Variants in MAPT observed in about 807,000 individuals in gnomAD.
MAPT encodes the protein microtubule associated protein tau, also known as microtubule-associated protein tau.
A neutral mutation model predicts 67.9 loss-of-function variants in MAPT; 34 were observed. The ratio of observed to expected loss-of-function variants is 0.50; its 90% CI spans 0.38 to 0.67. The LOEUF is 0.67. Among genes scored for constraint, MAPT ranks in the 30% least tolerant of loss-of-function variants. The pLI is 0.00. For missense variants in MAPT, 881 were observed against 1,115.2 expected (o/e 0.79, Z 2.99); for synonymous variants, 456 against 464.5 (o/e 0.98, Z 0.23).
At position 45,995,529 on chromosome 17, in the gene MAPT, C is replaced by T. The variant is rs1046838457; in HGVS notation, c.1733-870C>T. Among the ~76,000 whole-genome samples the T allele has an allele frequency of 1.3e-5, 2 of 152,140 alleles. No individual in the cohort carries two copies. The highest frequency in any genetic ancestry group is 2.1e-4 in the South Asian group (1 of 4,814). Reference sequence around the variant, plus strand: ...AGAATACCAGACTGTTGAAGTGTAACGGGGGCCTGGGAAGTGCAGTAACAG... The same window carrying T: ...AGAATACCAGACTGTTGAAGTGTAATGGGGGCCTGGGAAGTGCAGTAACAG... On this transcript the variant is annotated intron_variant, in intron 8 of 12. Coordinates refer to ENST00000262410, the MANE Select transcript of MAPT (RefSeq NM_001377265.1). The surrounding 1 kb of genome is among the most constrained non-coding windows in gnomAD (Gnocchi z 4.3).
chr17:45,938,124 C>T (rs1340349791), intron 1 of MAPT, among the ~76,000 whole-genome samples: 2 of 152,188 alleles, frequency 1.3e-5, no homozygotes, highest in African/African-American at 4.8e-5. Flanking sequence ...TATAATAAAT[C>T]ATCAGAAATT....
At chr17:45,982,383 G>A (rs2073066444) in intron 4 of MAPT, among the ~76,000 whole-genome samples, 1 of 151,772 alleles carries the variant, frequency 6.6e-6, no homozygotes, top group African/African-American at 2.4e-5. Context: ...GGAGAGGAAA[G>A]GGGATTCTCG....
chr17:45,948,908 G>GC (rs1435215080), intron 1 of MAPT, among the ~76,000 whole-genome samples: 2 of 152,166 alleles, frequency 1.3e-5, no homozygotes, highest in African/African-American at 4.8e-5. Context: ...AGAACAAAGC[G>GC]CATGTTAAGG....
In MAPT at chr17:45,941,705, GCCTTCCTTCCTT is replaced by G. The variant is rs1201409768; in HGVS notation, c.-17-20576_-17-20565del. 1.9e-3 allele frequency among the ~76,000 whole-genome samples: 49 copies of G among 25,608 alleles called. 1 individual carries two copies. Among genetic ancestry groups the G allele is most frequent in the Non-Finnish European group, 3.5e-3 (38 of 10,940 alleles). The allele number at this position is 25,608 out of a possible 152,430, so 16.8% of individuals were successfully genotyped here. A position where few individuals can be genotyped will look rare whatever the true frequency, so the allele number is the denominator to read the frequency against. On this transcript the variant is annotated intron_variant, in intron 1 of 12. Transcript: ENST00000262410. The stretch of plus-strand genomic sequence containing the variant: ...CTCCTTCCTTCCTTCCTTCCTGCCT[GCCTTCCTTCCTT>G]CCTTCCTTCCTTCCTTCCTTCCTTC...
intron 1 of MAPT, among the ~76,000 whole-genome samples, chr17:45,947,608 G>C (rs193206828): frequency 6.6e-6 from 1 of 151,718 alleles, no homozygotes; most frequent in African/African-American, 2.4e-5. Flanking sequence ...GGCTGGTCTC[G>C]AACTCCTGAC....
At chr17:45,935,433 G>A (rs1181849372) in intron 1 of MAPT, among the ~76,000 whole-genome samples, 1 of 152,116 alleles carries the variant, frequency 6.6e-6, no homozygotes, top group Non-Finnish European at 1.5e-5. Flanking sequence ...GCACGCAGCT[G>A]GGGTCCATTT....
In MAPT at chr17:45,896,419, G is replaced by GCCTGGCC. The variant is rs1399020108; in HGVS notation, c.-18+1734_-18+1740dup. ...CTCCGGCTTTACGCCCTGTTGCTTC[G>GCCTGGCC]CCTGGCCGGAGAATGTGAGGAAGGG... On this transcript the variant is annotated intron_variant, in intron 1 of 12. Transcript: ENST00000262410. This position sits in a 1 kb window ranked among gnomAD's most constrained non-coding sequence, Gnocchi z 5.6. 1 of 152,258 alleles carries GCCTGGCC rather than the reference G, an allele frequency of 6.6e-6. No individual in the cohort carries two copies. Among genetic ancestry groups the GCCTGGCC allele is most frequent in the Non-Finnish European group, 1.5e-5 (1 of 68,074 alleles). The allele number at this position is 152,258 out of a possible 1,614,324, so 9.4% of individuals were successfully genotyped here.
At chr17:46,005,080 G>C (rs74846646) in intron 9 of MAPT, among the ~76,000 whole-genome samples, 1 of 151,974 alleles carries the variant, frequency 6.6e-6, no homozygotes, top group African/African-American at 2.4e-5. Flanking sequence ...CACCGTGCCC[G>C]GCCAGAAAAA....
In MAPT at chr17:45,915,691, G is replaced by C. The variant is rs1402077228; in HGVS notation, c.-18+21005G>C. ...TTAGAGGGCTCTCCTGGAGTCAGAGGGGGTGGGTAGGAGGAGAAGGGAGGT... is the reference window on the plus strand; with the variant it reads ...TTAGAGGGCTCTCCTGGAGTCAGAGCGGGTGGGTAGGAGGAGAAGGGAGGT... On this transcript the variant is annotated intron_variant, in intron 1 of 12. Transcript: ENST00000262410. The surrounding 1 kb of genome is among the most constrained non-coding windows in gnomAD (Gnocchi z 4.4). Among the ~76,000 whole-genome samples the C allele has an allele frequency of 3.3e-5, 5 of 152,070 alleles. No homozygotes were observed. Among genetic ancestry groups the C allele is most frequent in the Admixed American group, 6.6e-5 (1 of 15,260 alleles).
chr17:45,946,615 A>AATATATATATATATATAT (rs1177094945), intron 1 of MAPT, among the ~76,000 whole-genome samples: 4 of 100,406 alleles, frequency 4.0e-5, no homozygotes, highest in African/African-American at 1.3e-4. Context: ...AAAAAAAAAA[A>AATATATATATATATATAT]ATATATATAT....
At chr17:45,992,448 G>A (rs977220016) in intron 8 of MAPT, among the ~76,000 whole-genome samples, 6 of 152,206 alleles carry the variant, frequency 3.9e-5, no homozygotes, top group Non-Finnish European at 8.8e-5. Flanking sequence ...TGCTAGGGAC[G>A]TTAGGAGTCT....
intron 1 of MAPT, among the ~76,000 whole-genome samples, chr17:45,930,056 C>G (rs901134401): frequency 5.9e-5 from 9 of 152,148 alleles, no homozygotes; most frequent in African/African-American, 2.2e-4. Flanking sequence ...GGTGCATAAG[C>G]CCCACCATGC....
In MAPT at chr17:45,906,811, C is replaced by A. The variant is rs1022209378; in HGVS notation, c.-18+12125C>A. 1.3e-5 allele frequency among the ~76,000 whole-genome samples: 2 copies of A among 152,060 alleles called. No individual in the cohort carries two copies. The highest frequency in any genetic ancestry group is 2.9e-5 in the Non-Finnish European group (2 of 68,012). On this transcript the variant is annotated intron_variant, in intron 1 of 12. Transcript: ENST00000262410. The surrounding 1 kb of genome is among the most constrained non-coding windows in gnomAD (Gnocchi z 4.3). ...GTCCCGAATGTGGCAAGCCATGGAG[C>A]CTTAAGCTCTTCTCCCTCCACATCC...
chr17:45,915,585 G>A lies in MAPT; in HGVS notation c.-18+20899G>A, dbSNP rs62056858. Among the ~76,000 whole-genome samples, 69 of 149,176 alleles carry A rather than the reference G, an allele frequency of 4.6e-4. No individual in the cohort carries two copies. The East Asian group carries it at 0.011, about 23-fold the overall frequency. ...TGGTGCATGTGTGTGGCGTGTGAGCGTGTGTGTGCATTGTGTCTGTGAGCA... is the reference window on the plus strand; with the variant it reads ...TGGTGCATGTGTGTGGCGTGTGAGCATGTGTGTGCATTGTGTCTGTGAGCA... On this transcript the variant is annotated intron_variant, in intron 1 of 12. Transcript: ENST00000262410. The surrounding 1 kb of genome is among the most constrained non-coding windows in gnomAD (Gnocchi z 4.4).
chr17:45,907,153 C>G (rs931253025), intron 1 of MAPT, among the ~76,000 whole-genome samples: 3 of 152,196 alleles, frequency 2.0e-5, no homozygotes, highest in South Asian at 2.1e-4. Context: ...CTTGGCTCAC[C>G]TCCCTGCCCA....
At chr17:45,920,507 A>G (rs558606699) in intron 1 of MAPT, among the ~76,000 whole-genome samples, 1 of 152,246 alleles carries the variant, frequency 6.6e-6, no homozygotes, top group East Asian at 1.9e-4. Context: ...CTCCGGCCCC[A>G]GCATTGCTGC....
chr17:46,000,266 G>C (rs1390049849), intron 9 of MAPT, among the ~76,000 whole-genome samples: 1 of 152,162 alleles, frequency 6.6e-6, no homozygotes, highest in Non-Finnish European at 1.5e-5. Flanking sequence ...GAAAACGTCT[G>C]TTTTCCCCTT....
At chr17:45,930,640 T>G (rs533986444) in intron 1 of MAPT, among the ~76,000 whole-genome samples, 51 of 152,298 alleles carry the variant, frequency 3.3e-4, no homozygotes, top group African/African-American at 1.2e-3. Flanking sequence ...ATCTTCCAGC[T>G]CCAAAGCTTG....
At chr17:45,987,783 TC>T (rs1339765215) in intron 6 of MAPT, among the ~76,000 whole-genome samples, 1 of 152,172 alleles carries the variant, frequency 6.6e-6, no homozygotes, top group Non-Finnish European at 1.5e-5. Context: ...GAGTCAGGGC[TC>T]CCCAGCCTCA....
Sources: gnomAD v4.1 joint callset for allele counts (sites outside exome capture counted in the v4.1 genomes callset) on GRCh38, gnomAD v4.1.1 for gene constraint, Gnocchi (gnomAD v3.1) non-coding constraint, MANE v1.5 for transcripts, NCBI Gene and HGNC (gene_info 2026-07-23, HGNC 2026-07-21) for gene names.